The following RBFOX1 variants were observed in gnomAD, a reference collection of about 807,000 sequenced individuals.
RBFOX1 encodes the protein RNA binding protein fox-1 homolog 1.
RBFOX1 carries 8 observed loss-of-function variants against 57.7 expected under a neutral mutation model. The ratio of observed to expected loss-of-function variants is 0.14; its 90% CI spans 0.08 to 0.25. The LOEUF is 0.25. RBFOX1 is among the 10% of genes least tolerant of loss of function. The probability of loss-of-function intolerance (pLI) is 1.00; values close to 1 mark genes in which losing one functional copy is unlikely to be tolerated. For synonymous variants in RBFOX1, 326 were observed against 222.4 expected, an observed-to-expected ratio of 1.47 and a Z score of -4.15; for missense variants, 611 against 548.5, an observed-to-expected ratio of 1.11 and a Z score of -1.14.
intron 5 of RBFOX1, among the ~76,000 whole-genome samples, chr16:7,520,927 G>C (rs1442953706): frequency 6.6e-6 from 1 of 152,108 alleles, no homozygotes; most frequent in East Asian, 1.9e-4. Context: ...TTAGGGCCAG[G>C]ATTCATACTA....
chr16:6,591,964 G>A (rs2097717184), intron 2 of RBFOX1, among the ~76,000 whole-genome samples: 1 of 152,090 alleles, frequency 6.6e-6, no homozygotes, highest in South Asian at 2.1e-4. Flanking sequence ...ATATTTGATG[G>A]GTGTCTACTG....
chr16:7,144,417 C>CTTTTTTTTTTT (rs1190886141), intron 4 of RBFOX1, among the ~76,000 whole-genome samples: 7 of 66,912 alleles, frequency 1.0e-4, no homozygotes, highest in African/African-American at 4.2e-4. Flanking sequence ...TTTCTTTCTT[C>CTTTTTTTTTTT]TTTTTTTTTT....
chr16:6,892,775 C>T (rs9941243), intron 3 of RBFOX1, among the ~76,000 whole-genome samples: 8,573 of 84,176 alleles, frequency 0.1, 1,125 homozygotes, highest in South Asian at 0.18. Flanking sequence ...TCCCTGTCTC[C>T]CTCTCTCTCT....
At chr16:5,835,968 A>G (rs2056444417) in intron 3 of RBFOX1, among the ~76,000 whole-genome samples, 1 of 152,190 alleles carries the variant, frequency 6.6e-6, no homozygotes, top group South Asian at 2.1e-4. Flanking sequence ...AAGAGGAAGA[A>G]GAGAGCTCAG....
At chr16:6,649,467 C>G (rs1291431831) in intron 2 of RBFOX1, among the ~76,000 whole-genome samples, 2 of 152,154 alleles carry the variant, frequency 1.3e-5, no homozygotes, top group African/African-American at 2.4e-5. Flanking sequence ...ACCCATCACC[C>G]AAGCAGTGTA....
intron 3 of RBFOX1, among the ~76,000 whole-genome samples, chr16:5,644,168 T>A (rs905391920): frequency 2.0e-5 from 3 of 152,220 alleles, no homozygotes; most frequent in African/African-American, 7.2e-5. Flanking sequence ...TTCCATAAGG[T>A]ATAATTTTAG....
chr16:7,260,234 C>G (rs2094864279), intron 4 of RBFOX1, among the ~76,000 whole-genome samples: 1 of 152,152 alleles, frequency 6.6e-6, no homozygotes. Context: ...GCATATAGAA[C>G]AAATAAGACT....
chr16:5,246,073 C>G (rs2062292053), intron 1 of RBFOX1, among the ~76,000 whole-genome samples: 1 of 152,096 alleles, frequency 6.6e-6, no homozygotes, highest in Non-Finnish European at 1.5e-5. Flanking sequence ...GCGAAACTGT[C>G]TCTACTAAAA....
intron 1 of RBFOX1, among the ~76,000 whole-genome samples, chr16:5,405,775 G>T (rs1379671908): frequency 6.6e-6 from 1 of 152,158 alleles, no homozygotes; most frequent in Non-Finnish European, 1.5e-5. Flanking sequence ...GCCAGTGATT[G>T]CTTTGGGTGT....
At chr16:7,164,362 T>A (rs909589465) in intron 4 of RBFOX1, among the ~76,000 whole-genome samples, 19 of 152,168 alleles carry the variant, frequency 1.2e-4, no homozygotes, top group African/African-American at 4.3e-4. Context: ...ATCCACTCAT[T>A]GGCTAATGGG....
At chr16:6,831,086 A>G (rs780831823) in intron 3 of RBFOX1, among the ~76,000 whole-genome samples, 2 of 152,148 alleles carry the variant, frequency 1.3e-5, no homozygotes, top group Non-Finnish European at 2.9e-5. Flanking sequence ...ATCTAAAGTA[A>G]AGCTGGATAG....
chr16:7,389,678 T>G (rs1447239822), intron 4 of RBFOX1, among the ~76,000 whole-genome samples: 1 of 152,196 alleles, frequency 6.6e-6, no homozygotes, highest in Non-Finnish European at 1.5e-5. Context: ...GAAGACAATC[T>G]GGCTGGAGTT....
intron 4 of RBFOX1, among the ~76,000 whole-genome samples, chr16:5,888,040 C>A (rs1015678685): frequency 6.6e-6 from 1 of 152,198 alleles, no homozygotes; most frequent in Non-Finnish European, 1.5e-5. Context: ...TCCTGCAAGA[C>A]AGCCTTCCTG....
At chr16:6,896,102 A>G (rs542782331) in intron 3 of RBFOX1, among the ~76,000 whole-genome samples, 2 of 152,216 alleles carry the variant, frequency 1.3e-5, no homozygotes, top group African/African-American at 4.8e-5. Flanking sequence ...GTGAAACCCC[A>G]TCTCTATTAA....
intron 2 of RBFOX1, among the ~76,000 whole-genome samples, chr16:6,586,402 A>C (rs1252505279): frequency 6.6e-6 from 1 of 152,172 alleles, no homozygotes; most frequent in East Asian, 1.9e-4. Flanking sequence ...AGTGCGTCTT[A>C]ATTTTGTGCA....
At chr16:5,714,241 A>T (rs192674097) in intron 3 of RBFOX1, among the ~76,000 whole-genome samples, 1 of 152,202 alleles carries the variant, frequency 6.6e-6, no homozygotes, top group Non-Finnish European at 1.5e-5. Context: ...ATCTGCACAT[A>T]GTCATGTAAC....
intron 3 of RBFOX1, among the ~76,000 whole-genome samples, chr16:5,624,578 G>C (rs1044109183): frequency 2.0e-5 from 3 of 152,208 alleles, no homozygotes; most frequent in Non-Finnish European, 4.4e-5. Context: ...CTAAAGCACA[G>C]GTTCATGTTC....
chr16:6,755,765 C>A (rs975633474), intron 3 of RBFOX1, among the ~76,000 whole-genome samples: 4 of 152,122 alleles, frequency 2.6e-5, no homozygotes, highest in African/African-American at 9.7e-5. Flanking sequence ...TGTACTTTGG[C>A]CTTCTTTTTT....
chr16:6,698,101 T>A (rs946549202), intron 3 of RBFOX1, among the ~76,000 whole-genome samples: 1 of 152,210 alleles, frequency 6.6e-6, no homozygotes, highest in Admixed American at 6.5e-5. Context: ...TTGGAAATCA[T>A]AAAATATGCA....
Sources: allele counts gnomAD v4.1 joint callset (sites outside exome capture counted in the v4.1 genomes callset), GRCh38; gene constraint gnomAD v4.1.1; transcripts MANE v1.5; gene names NCBI Gene and HGNC (gene_info 2026-07-23, HGNC 2026-07-21).